Variants in AADAT observed in about 807,000 individuals in gnomAD.
AADAT encodes the protein kynurenine/alpha-aminoadipate aminotransferase, mitochondrial.
In AADAT, 25 loss-of-function variants were observed where a neutral mutation model predicts 56.2. The observed-to-expected ratio is 0.44, with a 90% CI of 0.32 to 0.62. The LOEUF (loss-of-function observed/expected upper bound fraction) is 0.62, where lower values mean the gene tolerates loss of function less well. Among genes scored for constraint, AADAT ranks in the 20% least tolerant of loss-of-function variants. AADAT has a pLI of 0.04. For synonymous variants in AADAT, 173 were observed against 164.7 expected (o/e 1.05, Z -0.39); for missense variants, 387 against 510.5 (o/e 0.76, Z 2.33).
At chr4:170,089,186 C>T in intron 1 of AADAT, 1 of 321,006 alleles carries the variant, frequency 3.1e-6, no homozygotes, top group Non-Finnish European at 6.0e-6. Flanking sequence ...AGCAAAGGGC[C>T]ACAATAGCAG....
At chr4:170,091,078 G>A (rs945357685), upstream of AADAT, among the ~76,000 whole-genome samples, 11 of 151,826 alleles carry the variant, frequency 7.2e-5, no homozygotes, top group African/African-American at 2.2e-4. Context: ...GGCAGCCCTC[G>A]CAGCCCTCGC....
At chr4:170,062,030 A>G in intron 11 of AADAT, 37 bp from the exon 12 acceptor site, 1 of 1,424,236 alleles carries the variant, frequency 7.0e-7, no homozygotes, top group Non-Finnish European at 9.8e-7. Flanking sequence ...ATGTACCACT[A>G]AAGAAAAACT....
chr4:170,075,437 C>T lies in AADAT; in HGVS notation c.445-2092G>A, dbSNP rs1731985142. 2.0e-5 allele frequency among the ~76,000 whole-genome samples: 3 copies of T among 152,234 alleles called. No homozygotes were observed. In the South Asian group the frequency reaches 6.2e-4, roughly 32 times the overall value. ...GTAACACCATGCTCCTGGGCTCAAG[C>T]AATCCTTACACCTCAGTCTTCTGCC... On this transcript the variant is annotated intron_variant, in intron 4 of 12. Coordinates refer to ENST00000337664, the MANE Select transcript of AADAT (RefSeq NM_016228.4).
intron 8 of AADAT, among the ~76,000 whole-genome samples, 166 bp from the exon 9 acceptor site, chr4:170,067,554 AATG>A (rs544377418): frequency 1.3e-3 from 203 of 152,332 alleles, no homozygotes; most frequent in South Asian, 0.011. Flanking sequence ...AATTAATAAC[AATG>A]ATAATACTAG....
At position 170,073,182 on chromosome 4, in the gene AADAT, G is replaced by A; in HGVS notation, c.608C>T (p.Pro203Leu). The change falls in exon 5 of 13, where the codon CCT becomes CTT. Residue 203 changes from proline (P) to leucine (L), a missense_variant. Coordinates refer to ENST00000337664, the MANE Select transcript of AADAT (RefSeq NM_016228.4). ...TTCACTGGTTAATGAGTTTCCAGTAGGGTTGTTGCCATTTGGAACAGTATA... is the reference window on the plus strand; with the variant it reads ...TTCACTGGTTAATGAGTTTCCAGTAAGGTTGTTGCCATTTGGAACAGTATA... ...FLYTVPNGNN[P>L]TGNSLTSERK... is the part of the protein sequence containing the mutation. The A allele has an allele frequency of 6.2e-7, 1 of 1,614,122 alleles. No individual in the cohort carries two copies. Among genetic ancestry groups the A allele is most frequent in the Non-Finnish European group, 8.5e-7 (1 of 1,180,020 alleles).
chr4:170,076,522 G>A (rs1267431167), intron 4 of AADAT, among the ~76,000 whole-genome samples: 1 of 152,090 alleles, frequency 6.6e-6, no homozygotes, highest in Non-Finnish European at 1.5e-5. Flanking sequence ...ATGTTCTTCA[G>A]ACTAATGTCT....
chr4:170,092,639 T>C (rs543193197), upstream of AADAT, among the ~76,000 whole-genome samples: 41 of 152,330 alleles, frequency 2.7e-4, no homozygotes, highest in African/African-American at 9.6e-4. Context: ...TTCAGAGACT[T>C]CAAGTAGTTG....
Position 170,089,878 on chromosome 4 carries a change from G to A in AADAT, c.-188C>T. The stretch of plus-strand genomic sequence containing the variant: ...CGCCGCCGAAACTCCCCGGCTGGAC[G>A]CTGCGTTCGGTCTCCCGGTCCTAAA... On this transcript the variant is annotated 5_prime_UTR_variant, in exon 1 of 13. Transcript: ENST00000337664. 3 of 612,422 alleles carry A rather than the reference G, an allele frequency of 4.9e-6. No individual in the cohort carries two copies. Among genetic ancestry groups the A allele is most frequent in the Non-Finnish European group, 2.9e-6 (1 of 344,776 alleles). 37.9% of individuals were successfully genotyped at this position (612,422 alleles called of 1,614,324 possible).
rs992651734 is a variant in AADAT at position 170,067,337 on chromosome 4, G to A, written c.952C>T (p.His318Tyr). The A allele has an allele frequency of 6.2e-7, 1 of 1,613,060 alleles. No individual in the cohort carries two copies. The highest frequency in any genetic ancestry group is 1.1e-5 in the South Asian group (1 of 91,010). The change falls in exon 9 of 13, where the codon CAT (histidine) becomes TAT (tyrosine). Residue 318 changes from histidine to tyrosine, a missense_variant. By Grantham distance (83) the His-to-Tyr change is moderately conservative. Coordinates refer to ENST00000337664, the MANE Select transcript of AADAT (RefSeq NM_016228.4). The part of the protein sequence containing the change: ...HEWGEEGFMA[H>Y]VDRVIDFYSN... ...GAAATGATACAATACCTGTCTACAT[G>A]AGCCATGAAACCTTCTTCTCCCCAT...
chr4:170,080,834 A>C (rs1462374633), intron 3 of AADAT, among the ~76,000 whole-genome samples: 2 of 152,192 alleles, frequency 1.3e-5, no homozygotes, highest in African/African-American at 4.8e-5. Context: ...AAGCCAGACA[A>C]ATCAAACAAA....
rs267600079 is a variant in AADAT, at chr4:170,073,275, C to G, written c.515G>C (p.Arg172Thr). 6.2e-7 allele frequency: 1 copy of G among 1,614,018 alleles called. No individual in the cohort carries two copies. The highest frequency in any genetic ancestry group is 1.3e-5 in the African/African-American group (1 of 74,974). Reference protein sequence around the residue: ...DESGIVPDSLRDILSRWKPED... With the variant: ...DESGIVPDSLTDILSRWKPED... Reference sequence around the variant, plus strand: ...TGGTTTCCATCTGGAAAGTATGTCTCTTAGGGAATCTGGAACAATCCCACT... The same window carrying G: ...TGGTTTCCATCTGGAAAGTATGTCTGTTAGGGAATCTGGAACAATCCCACT... The change falls in exon 5 of 13, where the codon AGA (arginine) becomes ACA (threonine). Residue 172 changes from arginine to threonine, a missense_variant. Transcript: ENST00000337664.
chr4:170,065,351 TTGAG>T lies in AADAT; in HGVS notation c.1028-530_1028-527del, dbSNP rs556764419. 4.5e-3 allele frequency among the ~76,000 whole-genome samples: 681 copies of T among 152,300 alleles called. 1 individual carries two copies. The highest frequency in any genetic ancestry group is 0.014 in the African/African-American group (580 of 41,574). ...AAGCAGTTGTGGGCTTTACGTTTCA[TTGAG>T]TATTAGGATAGAGAAATCAAAAACA... On this transcript the variant is annotated intron_variant, in intron 10 of 12. Transcript: ENST00000337664.
chr4:170,079,812 C>T (rs1732203303), intron 3 of AADAT, among the ~76,000 whole-genome samples: 2 of 152,064 alleles, frequency 1.3e-5, no homozygotes, highest in Non-Finnish European at 2.9e-5. Flanking sequence ...CTTTGAAACA[C>T]CCTGTGATGA....
intron 2 of AADAT, among the ~76,000 whole-genome samples, 198 bp downstream of exon 2, chr4:170,088,198 C>T (rs1301388018): frequency 2.6e-5 from 4 of 151,874 alleles, no homozygotes; most frequent in African/African-American, 9.7e-5. Context: ...TTTCCCCAGA[C>T]CTTCCTAACC....
chr4:170,068,485 A>G, intron 8 of AADAT, 106 bp downstream of exon 8: 1 of 752,970 alleles, frequency 1.3e-6, no homozygotes, highest in South Asian at 1.9e-5. Context: ...AAGGCAAACT[A>G]TGAGTCACTA....
chr4:170,077,279 G>A (rs1044081119), intron 4 of AADAT, among the ~76,000 whole-genome samples: 1 of 152,070 alleles, frequency 6.6e-6, no homozygotes, highest in Non-Finnish European at 1.5e-5. Context: ...AATTGCTTAG[G>A]GTAGTATTAA....
upstream of AADAT, chr4:170,090,221 T>C (rs1321728839): frequency 1.3e-5 from 2 of 152,230 alleles, no homozygotes; most frequent in Non-Finnish European, 2.9e-5. Context: ...GCCCAGGGGC[T>C]GACCGAGGGG....
chr4:170,060,248 A>G lies in AADAT; in HGVS notation c.*680T>C, dbSNP rs917682715. 1 of 152,198 alleles carries G rather than the reference A, an allele frequency of 6.6e-6. No individual in the cohort carries two copies. Among genetic ancestry groups the G allele is most frequent in the Non-Finnish European group, 1.5e-5 (1 of 68,026 alleles). 9.4% of individuals were successfully genotyped at this position (152,198 alleles called of 1,614,324 possible). A position where few individuals can be genotyped will look rare whatever the true frequency, so the allele number is the denominator to read the frequency against. On this transcript the variant is annotated 3_prime_UTR_variant, in exon 13 of 13. Transcript: ENST00000337664. ...ATGTTTAGTTTAAGAATTTTATTTT[A>G]AAGGAATTTCTGTGGCATAACATAA... is the stretch of plus-strand genomic sequence containing the variant.
chr4:170,062,699 G>C (rs906584147), intron 11 of AADAT, among the ~76,000 whole-genome samples: 1 of 152,138 alleles, frequency 6.6e-6, no homozygotes, highest in Non-Finnish European at 1.5e-5. Context: ...CTAGCTGTGT[G>C]TGACCATGAG....
Sources: gnomAD v4.1 joint callset for allele counts (sites outside exome capture counted in the v4.1 genomes callset) on GRCh38, gnomAD v4.1.1 for gene constraint, MANE v1.5 for transcripts, NCBI Gene and HGNC (gene_info 2026-07-23, HGNC 2026-07-21) for gene names.